Variants in KDM1B observed in about 807,000 individuals in gnomAD.
KDM1B encodes lysine demethylase 1B.
Under a neutral mutation model 107.4 loss-of-function variants are expected in KDM1B, and 63 were observed. The observed-to-expected ratio is 0.59, with a 90% CI of 0.48 to 0.72. The LOEUF is 0.72. Ranked by LOEUF, KDM1B falls within the 30% of genes least tolerant of loss-of-function variation. The pLI is 0.00. For missense variants in KDM1B, 749 were observed against 1,020.8 expected (o/e 0.73, Z 3.63); for synonymous variants, 363 against 363.9 (o/e 1.00, Z 0.03).
intron 7 of KDM1B, among the ~76,000 whole-genome samples, chr6:18,173,535 T>C (rs1472724069): frequency 2.6e-5 from 4 of 152,176 alleles, no homozygotes; most frequent in African/African-American, 9.7e-5. Flanking sequence ...TCATTTATGC[T>C]TAGAACTTTT....
intron 21 of KDM1B, among the ~76,000 whole-genome samples, chr6:18,220,887 G>A (rs1476543302): frequency 1.3e-5 from 2 of 151,668 alleles, no homozygotes; most frequent in Non-Finnish European, 2.9e-5. Flanking sequence ...TTCTGTTTCA[G>A]CTGGTGTGTG....
intron 7 of KDM1B, among the ~76,000 whole-genome samples, chr6:18,177,611 A>G (rs1001845920): frequency 2.6e-5 from 4 of 151,470 alleles, no homozygotes; most frequent in South Asian, 4.2e-4. Flanking sequence ...GTCTTGCTCT[A>G]TTGCCCAGGC....
At chr6:18,192,926 C>G (rs1170252785) in intron 10 of KDM1B, among the ~76,000 whole-genome samples, 1 of 151,942 alleles carries the variant, frequency 6.6e-6, no homozygotes, top group Non-Finnish European at 1.5e-5. Flanking sequence ...GGCGCGGTGG[C>G]TCACGCCTGT....
chr6:18,214,903 C>CT lies in KDM1B; in HGVS notation c.2110-103dup, dbSNP rs1789102322. On this transcript the variant is annotated intron_variant, in intron 19 of 21. Transcript: ENST00000650836. This position sits in a 1 kb window ranked among gnomAD's most constrained non-coding sequence, Gnocchi z 4.4. ...CCAGCCTGGGTGACAGAGCAAAACT[C>CT]TGTCTCATTTAAAACAAAACAAAAC... is the stretch of plus-strand genomic sequence containing the variant. The CT allele has an allele frequency of 3.3e-6, 4 of 1,210,762 alleles. No homozygotes were observed. Among genetic ancestry groups the CT allele is most frequent in the South Asian group, 1.5e-5 (1 of 68,662 alleles). 75.0% of individuals were successfully genotyped at this position (1,210,762 alleles called of 1,614,324 possible).
At chr6:18,157,682 G>T (rs1184037105) in intron 2 of KDM1B, among the ~76,000 whole-genome samples, 1 of 150,906 alleles carries the variant, frequency 6.6e-6, no homozygotes, top group South Asian at 2.1e-4. Context: ...GAAGAGATTT[G>T]TATATTTATG....
Position 18,214,864 on chromosome 6 carries a change from T to G in KDM1B, c.2110-143T>G. 2 of 675,722 alleles carry G rather than the reference T, an allele frequency of 3.0e-6. No individual in the cohort carries two copies. Among genetic ancestry groups the G allele is most frequent in the South Asian group, 3.8e-5 (2 of 52,236 alleles). 41.9% of individuals were successfully genotyped at this position (675,722 alleles called of 1,614,324 possible). On this transcript the variant is annotated intron_variant, in intron 19 of 21. Transcript: ENST00000650836. This position sits in a 1 kb window ranked among gnomAD's most constrained non-coding sequence, Gnocchi z 4.4. ...GGCAGAGGTTGCAGTGAGCCAAGATTGCACCATTGCACTCCAGCCTGGGTG... is the reference window on the plus strand; with the variant it reads ...GGCAGAGGTTGCAGTGAGCCAAGATGGCACCATTGCACTCCAGCCTGGGTG...
chr6:18,217,206 T>G (rs1789304015), intron 20 of KDM1B, among the ~76,000 whole-genome samples: 1 of 151,904 alleles, frequency 6.6e-6, no homozygotes, highest in Non-Finnish European at 1.5e-5. Context: ...GGGAATTGTG[T>G]GTGGGTGGGG....
intron 5 of KDM1B, among the ~76,000 whole-genome samples, chr6:18,163,385 T>A (rs954077044): frequency 9.9e-5 from 15 of 152,206 alleles, no homozygotes; most frequent in Non-Finnish European, 1.8e-4. Context: ...GAGTCAAAGT[T>A]CTGGAACATC....
In KDM1B at chr6:18,214,654, A is replaced by T. The variant is rs903070056; in HGVS notation, c.2110-353A>T. Among the ~76,000 whole-genome samples the T allele has an allele frequency of 5.3e-5, 8 of 152,212 alleles. No individual in the cohort carries two copies. Among genetic ancestry groups the T allele is most frequent in the Non-Finnish European group, 1.2e-4 (8 of 68,032 alleles). ...GCCGGGTACAGTGGCTCACGCCTGT[A>T]ATCCCAGCACTTTGGGAGGCCGAGG... On this transcript the variant is annotated intron_variant, in intron 19 of 21. Transcript: ENST00000650836. This position sits in a 1 kb window ranked among gnomAD's most constrained non-coding sequence, Gnocchi z 4.4.
chr6:18,187,559 A>G (rs1322961853), intron 8 of KDM1B, among the ~76,000 whole-genome samples: 1 of 152,178 alleles, frequency 6.6e-6, no homozygotes, highest in Non-Finnish European at 1.5e-5. Context: ...GGCTGTTGCC[A>G]TATGTCAGAA....
Position 18,217,738 on chromosome 6 carries a change from C to T in KDM1B, c.2238C>T (p.Val746=), listed in dbSNP as rs754203036. Residue 746 remains valine (V), a synonymous_variant, in exon 21 of 22, where the codon GTC becomes GTT. Coordinates refer to ENST00000650836, the MANE Select transcript of KDM1B (RefSeq NM_001364614.2). ...TTCCTTTCTATTGGACATAGGAGGT[C>T]CCAGATCCCACAAAGTATTTTGTCA... ...TLRELFKEQE[V]PDPTKYFVTR... is the part of the protein sequence containing the mutation. 2 of 1,611,734 alleles carry T rather than the reference C, an allele frequency of 1.2e-6. No homozygotes were observed. The highest frequency in any genetic ancestry group is 2.2e-5 in the South Asian group (2 of 90,944).
intron 7 of KDM1B, among the ~76,000 whole-genome samples, chr6:18,181,392 G>T (rs1038423261): frequency 6.6e-6 from 1 of 152,106 alleles, no homozygotes; most frequent in African/African-American, 2.4e-5. Flanking sequence ...ATAAGAAATT[G>T]TTGAACATAA....
intron 15 of KDM1B, 102 bp from the exon 16 acceptor site, chr6:18,207,296 C>A: frequency 7.5e-7 from 1 of 1,327,774 alleles, no homozygotes; most frequent in Non-Finnish European, 1.1e-6. Context: ...CCCCTGCCCT[C>A]CTGCCTTGGT....
At chr6:18,171,730 CT>C (rs1785676255) in intron 7 of KDM1B, among the ~76,000 whole-genome samples, 1 of 152,122 alleles carries the variant, frequency 6.6e-6, no homozygotes, top group Admixed American at 6.6e-5. Flanking sequence ...CCAAGGAAAT[CT>C]CTTTGTAGCT....
rs1053469526 is a variant in KDM1B, at chr6:18,209,196, C to A, written c.1866+990C>A. The stretch of plus-strand genomic sequence containing the variant: ...GCTGAATCAAATACCTGAAATCACA[C>A]TGAGATTTATAGTATTGGAGAATAA... On this transcript the variant is annotated intron_variant, in intron 17 of 21. Transcript: ENST00000650836. This position sits in a 1 kb window ranked among gnomAD's most constrained non-coding sequence, Gnocchi z 4.3. 1.3e-5 allele frequency among the ~76,000 whole-genome samples: 2 copies of A among 152,138 alleles called. No homozygotes were observed. Among genetic ancestry groups the A allele is most frequent in the Admixed American group, 1.3e-4 (2 of 15,274 alleles).
intron 10 of KDM1B, 85 bp from the exon 11 acceptor site, chr6:18,196,970 GTC>G: frequency 8.1e-7 from 1 of 1,229,608 alleles, no homozygotes; most frequent in Non-Finnish European, 1.2e-6. Flanking sequence ...TCTTTTACTT[GTC>G]TTTTAAATGG....
intron 8 of KDM1B, 96 bp from the exon 9 acceptor site, chr6:18,187,696 C>A (rs372518): frequency 0.099 from 78,157 of 793,438 alleles, 4,356 homozygotes; most frequent in South Asian, 0.2. Flanking sequence ...GGGTTAAGGA[C>A]AAGTGAAACG....
chr6:18,193,298 CTTTTT>C lies in KDM1B; in HGVS notation c.969+1936_969+1940del, dbSNP rs61133563. 3.7e-3 allele frequency among the ~76,000 whole-genome samples: 329 copies of C among 90,078 alleles called. 1 individual carries two copies. The highest frequency in any genetic ancestry group is 0.012 in the African/African-American group (296 of 24,712). 59.1% of individuals were successfully genotyped at this position (90,078 alleles called of 152,430 possible). A position where few individuals can be genotyped will look rare whatever the true frequency, so the allele number is the denominator to read the frequency against. ...TCAAAGACTTTGAAATGTGTGCTTTCTTTTTTTTTTTTTTTTTTTTTTTGAGACAC... is the reference window on the plus strand; with the variant it reads ...TCAAAGACTTTGAAATGTGTGCTTTCTTTTTTTTTTTTTTTTTTGAGACAC... On this transcript the variant is annotated intron_variant, in intron 10 of 21. Transcript: ENST00000650836.
intron 8 of KDM1B, among the ~76,000 whole-genome samples, chr6:18,187,347 C>T (rs115499970): frequency 5.3e-5 from 8 of 152,240 alleles, no homozygotes; most frequent in East Asian, 1.9e-4. Flanking sequence ...TACTTGGGAG[C>T]ATTATTTTTT....
Sources: gnomAD v4.1 joint callset for allele counts (sites outside exome capture counted in the v4.1 genomes callset) on GRCh38, gnomAD v4.1.1 for gene constraint, Gnocchi (gnomAD v3.1) non-coding constraint, MANE v1.5 for transcripts, NCBI Gene and HGNC (gene_info 2026-07-23, HGNC 2026-07-21) for gene names.